Variants in PLCE1 observed in about 807,000 individuals in gnomAD.
PLCE1 encodes phospholipase C epsilon 1, also known as 1-phosphatidylinositol 4,5-bisphosphate phosphodiesterase epsilon-1.
A neutral mutation model predicts 242.8 loss-of-function variants in PLCE1; 119 were observed. The observed-to-expected ratio is 0.49, with a 90% confidence interval of 0.42 to 0.57. PLCE1 has a LOEUF of 0.57. Among genes scored for constraint, PLCE1 ranks in the 20% least tolerant of loss-of-function variants. The pLI is 0.00. For missense variants in PLCE1, 2,441 were observed against 2,788.8 expected, an observed-to-expected ratio of 0.88 and a Z score of 2.81; for synonymous variants, 945 against 1,017.4, an observed-to-expected ratio of 0.93 and a Z score of 1.35.
At chr10:94,288,824 CTG>C (rs2052551041) in intron 22 of PLCE1, among the ~76,000 whole-genome samples, 1 of 152,196 alleles carries the variant, frequency 6.6e-6, no homozygotes, top group African/African-American at 2.4e-5. Context: ...TGGACACACA[CTG>C]TCATTTTCTC....
At chr10:94,315,419 CT>C (rs1199952021) in intron 28 of PLCE1, 1 of 456,112 alleles carries the variant, frequency 2.2e-6, no homozygotes, top group Non-Finnish European at 4.4e-6. Context: ...AGTTTCTTCA[CT>C]GCAACTGACC....
At chr10:94,086,713 G>T (rs2044839046) in intron 2 of PLCE1, among the ~76,000 whole-genome samples, 1 of 152,206 alleles carries the variant, frequency 6.6e-6, no homozygotes, top group African/African-American at 2.4e-5. Context: ...TCTCAGGATT[G>T]CTCTGAGTAA....
At chr10:94,106,748 CCTT>C (rs1202514137) in intron 2 of PLCE1, among the ~76,000 whole-genome samples, 1 of 151,998 alleles carries the variant, frequency 6.6e-6, no homozygotes, top group Non-Finnish European at 1.5e-5. Context: ...TTGAATGCTT[CCTT>C]CTTAACCGTT....
intron 2 of PLCE1, among the ~76,000 whole-genome samples, chr10:94,129,330 C>G (rs1354904519): frequency 6.6e-6 from 1 of 152,194 alleles, no homozygotes. Flanking sequence ...AAGAAATGAT[C>G]AAATAACATG....
At chr10:94,144,385 A>G (rs2047055961) in intron 3 of PLCE1, among the ~76,000 whole-genome samples, 1 of 152,188 alleles carries the variant, frequency 6.6e-6, no homozygotes, top group African/African-American at 2.4e-5. Context: ...ATTTGACTAC[A>G]GAATTGATCA....
chr10:94,328,069 C>T lies in PLCE1; in HGVS notation c.*126C>T. 2 of 481,790 alleles carry T rather than the reference C, an allele frequency of 4.2e-6. No homozygotes were observed. Among genetic ancestry groups the T allele is most frequent in the South Asian group, 3.1e-5 (2 of 63,956 alleles). The allele number at this position is 481,790 out of a possible 1,614,324, so 29.8% of individuals were successfully genotyped here. A position where few individuals can be genotyped will look rare whatever the true frequency, so the allele number is the denominator to read the frequency against. The stretch of plus-strand genomic sequence containing the variant: ...GAAATTGATGATTTCTGAACTGAAG[C>T]CTTCACACATGTGAGATCCATGCTG... On this transcript the variant is annotated 3_prime_UTR_variant, in exon 33 of 33. Coordinates refer to ENST00000371380, the MANE Select transcript of PLCE1 (RefSeq NM_016341.4).
At chr10:94,292,052 A>C (rs962452743) in intron 22 of PLCE1, among the ~76,000 whole-genome samples, 1 of 152,196 alleles carries the variant, frequency 6.6e-6, no homozygotes, top group Admixed American at 6.5e-5. Context: ...CTGGTCCCTC[A>C]TCAGTTTTAC....
chr10:94,275,849 T>C (rs2051934765), intron 19 of PLCE1, among the ~76,000 whole-genome samples: 1 of 151,598 alleles, frequency 6.6e-6, no homozygotes, highest in Non-Finnish European at 1.5e-5. Flanking sequence ...AAAAAAAAAA[T>C]TCTTTAGCAC....
chr10:94,115,676 TG>T (rs1387706843), intron 2 of PLCE1, among the ~76,000 whole-genome samples: 2 of 152,232 alleles, frequency 1.3e-5, no homozygotes, highest in African/African-American at 2.4e-5. Context: ...CTTTGTCAGA[TG>T]AGTAGATTGT....
chr10:94,055,650 G>A (rs1011003933), intron 2 of PLCE1, among the ~76,000 whole-genome samples: 3 of 152,130 alleles, frequency 2.0e-5, no homozygotes, highest in Admixed American at 6.5e-5. Flanking sequence ...CTTCCTAGGT[G>A]TAAGTCCCAG....
chr10:94,222,480 T>C (rs1049372196), intron 4 of PLCE1, among the ~76,000 whole-genome samples: 2 of 152,204 alleles, frequency 1.3e-5, no homozygotes, highest in African/African-American at 4.8e-5. Flanking sequence ...TTAATGAGGA[T>C]CACAGCACTA....
intron 9 of PLCE1, 22 bp from the exon 10 acceptor site, chr10:94,254,168 A>G (rs369630552): frequency 1.6e-5 from 24 of 1,544,270 alleles, no homozygotes; most frequent in Admixed American, 5.0e-5. Flanking sequence ...GCTTGGAACC[A>G]TCGTGAGCTT....
chr10:94,314,361 A>G (rs1280232406), intron 28 of PLCE1, among the ~76,000 whole-genome samples: 1 of 152,152 alleles, frequency 6.6e-6, no homozygotes, highest in Non-Finnish European at 1.5e-5. Flanking sequence ...GCTCTTTGGG[A>G]GGCCGAGGCA....
chr10:94,330,308 T>G lies in PLCE1; in HGVS notation c.*2365T>G, dbSNP rs979864889. ...TAGGTTGCATCCCAATTTAGTTGTTTATCACATTTTGAGGTGAAAGTACAT... is the reference window on the plus strand; with the variant it reads ...TAGGTTGCATCCCAATTTAGTTGTTGATCACATTTTGAGGTGAAAGTACAT... On this transcript the variant is annotated 3_prime_UTR_variant, in exon 33 of 33. Coordinates refer to ENST00000371380, the MANE Select transcript of PLCE1 (RefSeq NM_016341.4). The G allele has an allele frequency of 3.9e-5, 6 of 152,336 alleles. No individual in the cohort carries two copies. Among genetic ancestry groups the G allele is most frequent in the African/African-American group, 1.4e-4 (6 of 41,590 alleles). 9.4% of individuals were successfully genotyped at this position (152,336 alleles called of 1,614,324 possible). A position where few individuals can be genotyped will look rare whatever the true frequency, so the allele number is the denominator to read the frequency against.
intron 3 of PLCE1, among the ~76,000 whole-genome samples, chr10:94,142,464 C>T (rs906791583): frequency 9.2e-5 from 14 of 151,950 alleles, no homozygotes; most frequent in Admixed American, 2.6e-4. Context: ...AGCTGCAGTG[C>T]GCTATGATCC....
intron 1 of PLCE1, among the ~76,000 whole-genome samples, chr10:94,028,130 A>G (rs2061487650): frequency 6.6e-6 from 1 of 152,228 alleles, no homozygotes; most frequent in South Asian, 2.1e-4. Context: ...TTAGTTATCT[A>G]TCACTGTGTA....
chr10:94,213,780 T>A (rs764336306), intron 4 of PLCE1, among the ~76,000 whole-genome samples: 1 of 152,216 alleles, frequency 6.6e-6, no homozygotes, highest in Non-Finnish European at 1.5e-5. Flanking sequence ...TGCTACATCT[T>A]GAAGAAGGAG....
intron 25 of PLCE1, among the ~76,000 whole-genome samples, chr10:94,305,225 T>C (rs1234636514): frequency 6.6e-6 from 1 of 151,962 alleles, no homozygotes; most frequent in African/African-American, 2.4e-5. Flanking sequence ...CGCTCAAGAG[T>C]TCGAGACCAG....
chr10:94,289,454 G>C (rs1035329935), intron 22 of PLCE1, among the ~76,000 whole-genome samples: 1 of 152,182 alleles, frequency 6.6e-6, no homozygotes, highest in African/African-American at 2.4e-5. Context: ...GACATTCTGA[G>C]AATGCTTCAT....
Sources: gnomAD v4.1 joint callset for allele counts (sites outside exome capture counted in the v4.1 genomes callset) on GRCh38, gnomAD v4.1.1 for gene constraint, MANE v1.5 for transcripts, NCBI Gene and HGNC (gene_info 2026-07-23, HGNC 2026-07-21) for gene names.